MIA2: variants seen among roughly 807,000 people sequenced by gnomAD.
The protein encoded by MIA2 is MIA SH3 domain ER export factor 2.
A neutral mutation model predicts 167.8 loss-of-function variants in MIA2; 127 were observed. The observed-to-expected ratio is 0.76, with a 90% CI of 0.66 to 0.88. The LOEUF (loss-of-function observed/expected upper bound fraction) is 0.88. Ranked by LOEUF, MIA2 falls within the 40% of genes least tolerant of loss-of-function variation. MIA2 has a pLI of 0.00. For missense variants in MIA2, 1,690 were observed against 1,624.7 expected (o/e 1.04, Z -0.69); for synonymous variants, 552 against 541.9 (o/e 1.02, Z -0.26).
In MIA2 at chr14:39,276,914, T is replaced by TA; in HGVS notation, c.1888-19dup. 6.2e-7 allele frequency: 1 copy of TA among 1,605,202 alleles called. No individual in the cohort carries two copies. The highest frequency in any genetic ancestry group is 1.1e-5 in the South Asian group (1 of 89,030). ...TACCAAAAGTACATTTTTAAGAACT[T>TA]ACTTTTCTTTATCTTGAAGGTTGTG... On this transcript the variant is annotated intron_variant, in intron 6 of 28. Coordinates refer to ENST00000640607, the MANE Select transcript of MIA2 (RefSeq NM_001329214.4).
At chr14:39,351,066 G>C (rs985278283), downstream of MIA2, 1 of 152,008 alleles carries the variant, frequency 6.6e-6, no homozygotes, top group Non-Finnish European at 1.5e-5. Flanking sequence ...ATCATTTTGA[G>C]CTTTGGACTC....
At chr14:39,242,564 C>T (rs982664888) in intron 3 of MIA2, among the ~76,000 whole-genome samples, 3 of 151,700 alleles carry the variant, frequency 2.0e-5, no homozygotes, top group Non-Finnish European at 4.4e-5. Context: ...CTCAAGTGAT[C>T]CACTTGCCTC....
chr14:39,279,194 T>C (rs891826890), intron 7 of MIA2, 143 bp from the exon 8 acceptor site: 57 of 609,788 alleles, frequency 9.3e-5, no homozygotes, highest in Non-Finnish European at 2.5e-5. Flanking sequence ...TATTTTCTCA[T>C]TGGAAACAGA....
intron 23 of MIA2, chr14:39,370,398 G>C (rs1423668806): frequency 4.2e-6 from 1 of 236,610 alleles, no homozygotes; most frequent in Non-Finnish European, 9.4e-6. Context: ...CACATCTGCA[G>C]AAGAATGTTA....
At chr14:39,301,921 G>A (rs949232341) in intron 14 of MIA2, among the ~76,000 whole-genome samples, 1 of 152,150 alleles carries the variant, frequency 6.6e-6, no homozygotes, top group Non-Finnish European at 1.5e-5. Flanking sequence ...GGAATAACTA[G>A]TTTTGGCTTT....
intron 2 of MIA2, 73 bp downstream of exon 2, chr14:39,237,128 T>C (rs779399873): frequency 2.6e-6 from 4 of 1,551,192 alleles, no homozygotes; most frequent in Admixed American, 1.8e-5. Context: ...CCTTTTCTTT[T>C]CTTTTTTTTG....
At chr14:39,265,643 T>A (rs1287126732) in intron 6 of MIA2, 4 of 410,890 alleles carry the variant, frequency 9.7e-6, no homozygotes, top group Non-Finnish European at 1.7e-5. Context: ...GGTTTTTTTT[T>A]TGTTTTTGTT....
In MIA2 at chr14:39,343,598, TTTC is replaced by T. The variant is rs1451371161; in HGVS notation, c.3656-2303_3656-2301del. Reference sequence around the variant, plus strand: ...CTTATTCCCACTCCTTATTCATTTTTTTCTTATCTTTTTTTCTTCCATTCTTTC... The same window carrying T: ...CTTATTCCCACTCCTTATTCATTTTTTTATCTTTTTTTCTTCCATTCTTTC... On this transcript the variant is annotated intron_variant, in intron 25 of 28. Transcript: ENST00000640607. Among the ~76,000 whole-genome samples, 14 of 152,362 alleles carry T rather than the reference TTTC, an allele frequency of 9.2e-5. No individual in the cohort carries two copies. The East Asian group carries it at 1.9e-3, about 21-fold the overall frequency.
At chr14:39,374,147 C>T (rs1447558033) in intron 23 of MIA2, among the ~76,000 whole-genome samples, 1 of 152,158 alleles carries the variant, frequency 6.6e-6, no homozygotes, top group Non-Finnish European at 1.5e-5. Context: ...GTAGGAGTTC[C>T]AGAGTGAAGA....
At chr14:39,334,714 T>C (rs62000686) in intron 25 of MIA2, among the ~76,000 whole-genome samples, 10,940 of 151,860 alleles carry the variant, frequency 0.072, 495 homozygotes, top group South Asian at 0.19. Flanking sequence ...TTACAGGGCA[T>C]GTGCCACCAT....
At chr14:39,367,247 G>A (rs1356824070) in intron 23 of MIA2, among the ~76,000 whole-genome samples, 1 of 152,180 alleles carries the variant, frequency 6.6e-6, no homozygotes, top group Non-Finnish European at 1.5e-5. Context: ...TCATTCCACT[G>A]AGTCCAACTG....
rs867176021 is a variant in MIA2, at chr14:39,277,714, A to G, written c.2019+649A>G. Reference sequence around the variant, plus strand: ...TGTGTATATATATATATATATATATATGTGTGTATATATATATATATATAT... The same window carrying G: ...TGTGTATATATATATATATATATATGTGTGTGTATATATATATATATATAT... On this transcript the variant is annotated intron_variant, in intron 7 of 28. Coordinates refer to ENST00000640607, the MANE Select transcript of MIA2 (RefSeq NM_001329214.4). Among the ~76,000 whole-genome samples, 50 of 3,636 alleles carry G rather than the reference A, an allele frequency of 0.014. 15 individuals are homozygous for G. The East Asian group carries it at 0.23, about 17-fold the overall frequency. 2.4% of individuals were successfully genotyped at this position (3,636 alleles called of 152,430 possible).
At chr14:39,359,538 C>A (rs1192107245) in intron 23 of MIA2, among the ~76,000 whole-genome samples, 1 of 152,190 alleles carries the variant, frequency 6.6e-6, no homozygotes, top group Non-Finnish European at 1.5e-5. Flanking sequence ...GGCTCACACT[C>A]TGTGTGCTGC....
At chr14:39,349,387 C>T (rs6571923) in intron 28 of MIA2, among the ~76,000 whole-genome samples, 61,453 of 152,084 alleles carry the variant, frequency 0.4, 13,033 homozygotes, top group East Asian at 0.58. Context: ...AGTTCTGATG[C>T]AGTCCTACTT....
At chr14:39,297,169 C>T (rs557186869) in intron 13 of MIA2, among the ~76,000 whole-genome samples, 179 of 151,924 alleles carry the variant, frequency 1.2e-3, no homozygotes, top group Middle Eastern at 3.4e-3. Flanking sequence ...TCTCAGCTCA[C>T]TATAACCTCT....
At chr14:39,314,610 GTTTTTT>G in intron 19 of MIA2, 123 bp from the exon 20 acceptor site, 3 of 188,998 alleles carry the variant, frequency 1.6e-5, no homozygotes, top group Non-Finnish European at 1.9e-5. Flanking sequence ...GAGTTCTGGA[GTTTTTT>G]TTTTTTTTTT....
chr14:39,280,905 A>G (rs1177536277), intron 9 of MIA2, among the ~76,000 whole-genome samples: 1 of 109,982 alleles, frequency 9.1e-6, no homozygotes, highest in Admixed American at 9.4e-5. Context: ...GTCTTTTATT[A>G]GTTTAGTTTT....
intron 10 of MIA2, among the ~76,000 whole-genome samples, chr14:39,291,572 G>A (rs1177716536): frequency 1.3e-5 from 2 of 152,178 alleles, no homozygotes; most frequent in African/African-American, 4.8e-5. Flanking sequence ...TACGTTATAA[G>A]TAATGGTGTA....
chr14:39,298,560 C>A (rs1194228905), intron 13 of MIA2, among the ~76,000 whole-genome samples: 2 of 2,284 alleles, frequency 8.8e-4, no homozygotes, highest in South Asian at 7.8e-3. Context: ...TTTTTGTGAG[C>A]AACATGGCTG....
Sources: allele counts gnomAD v4.1 joint callset (sites outside exome capture counted in the v4.1 genomes callset), GRCh38; gene constraint gnomAD v4.1.1; transcripts MANE v1.5; gene names NCBI Gene and HGNC (gene_info 2026-07-23, HGNC 2026-07-21).